SLAIN2: variants seen among roughly 807,000 people sequenced by gnomAD.
SLAIN2 encodes SLAIN motif-containing protein 2.
In SLAIN2, 31 loss-of-function variants were observed where a neutral mutation model predicts 56.6. The ratio of observed to expected loss-of-function variants is 0.55; its 90% CI spans 0.41 to 0.74. SLAIN2 has a LOEUF of 0.74. Ranked by LOEUF, SLAIN2 falls within the 30% of genes least tolerant of loss-of-function variation. The probability of loss-of-function intolerance (pLI) is 0.00; values close to 1 mark genes in which losing one functional copy is unlikely to be tolerated. For missense variants in SLAIN2, 777 were observed against 754.2 expected (o/e 1.03, Z -0.35); for synonymous variants, 317 against 284.9 (o/e 1.11, Z -1.13).
chr4:48,379,818 G>T lies in SLAIN2; in HGVS notation c.832G>T (p.Val278Leu). The T allele has an allele frequency of 6.4e-7, 1 of 1,571,868 alleles. No individual in the cohort carries two copies. The highest frequency in any genetic ancestry group is 1.2e-5 in the South Asian group (1 of 82,770). Reference sequence around the variant, plus strand: ...TTATAAGCTAAATGATGTAACTGATGTACAGATTCTAGCCCGGATGCAGGA... The same window carrying T: ...TTATAAGCTAAATGATGTAACTGATTTACAGATTCTAGCCCGGATGCAGGA... ...SNYKLNDVTD[V>L]QILARMQEES... The change falls in exon 4 of 8, where the codon GTA becomes TTA. Residue 278 changes from valine (V) to leucine (L), a missense_variant. Transcript: ENST00000264313.
chr4:48,408,714 T>G (rs996574501), intron 6 of SLAIN2, among the ~76,000 whole-genome samples: 1 of 152,102 alleles, frequency 6.6e-6, no homozygotes, highest in Non-Finnish European at 1.5e-5. Context: ...ACTAAAATAG[T>G]TAACAGTAAG....
chr4:48,350,593 A>G (rs180979055), intron 1 of SLAIN2, among the ~76,000 whole-genome samples: 77 of 152,286 alleles, frequency 5.1e-4, no homozygotes, highest in African/African-American at 1.8e-3. Context: ...GAATTTGTAA[A>G]ATAATGTAGG....
intron 1 of SLAIN2, among the ~76,000 whole-genome samples, chr4:48,351,955 G>A (rs1396875): frequency 0.016 from 2,389 of 152,274 alleles, 51 homozygotes; most frequent in African/African-American, 0.055. Flanking sequence ...AGGGAAAAGA[G>A]CGAGTGATAC....
intron 6 of SLAIN2, among the ~76,000 whole-genome samples, chr4:48,404,390 T>C (rs1427079966): frequency 1.3e-5 from 2 of 150,594 alleles, no homozygotes; most frequent in Non-Finnish European, 1.5e-5. Flanking sequence ...ATTGAATCTG[T>C]ATCAGAAACA....
intron 2 of SLAIN2, 117 bp downstream of exon 2, chr4:48,370,114 T>C (rs1715625266): frequency 3.0e-6 from 3 of 983,962 alleles, no homozygotes; most frequent in African/African-American, 1.6e-5. Flanking sequence ...CAAATCTCAT[T>C]GTTCATATCA....
chr4:48,365,502 C>T (rs1715491304), intron 1 of SLAIN2, among the ~76,000 whole-genome samples: 1 of 146,656 alleles, frequency 6.8e-6, no homozygotes, highest in African/African-American at 2.5e-5. Flanking sequence ...TTTTCTATTT[C>T]ACTGATTTCT....
rs150373167 is a variant in SLAIN2, at chr4:48,419,499, C to G, written c.1361-626C>G. 1.6e-3 allele frequency among the ~76,000 whole-genome samples: 250 copies of G among 152,296 alleles called. 2 individuals are homozygous for G. Among genetic ancestry groups the G allele is most frequent in the African/African-American group, 5.3e-3 (222 of 41,554 alleles). ...CACTGCAGCCTCTGCATCTCTGGTT[C>G]AGGCAGTTCTCCTGCTTCAGTTTTG... On this transcript the variant is annotated intron_variant, in intron 6 of 7. Transcript: ENST00000264313.
At chr4:48,409,515 G>A (rs535625752) in intron 6 of SLAIN2, among the ~76,000 whole-genome samples, 3 of 152,252 alleles carry the variant, frequency 2.0e-5, no homozygotes, top group Admixed American at 6.5e-5. Context: ...ATTCCATTGC[G>A]TGGATGCACC....
At chr4:48,365,532 C>T (rs541522967) in intron 1 of SLAIN2, among the ~76,000 whole-genome samples, 1 of 149,524 alleles carries the variant, frequency 6.7e-6, no homozygotes, top group Admixed American at 6.7e-5. Flanking sequence ...TTTATAATTT[C>T]CTTCTGGCTA....
Position 48,400,189 on chromosome 4 carries a change from T to C in SLAIN2, c.1360+16405T>C, listed in dbSNP as rs1463589122. On this transcript the variant is annotated intron_variant, in intron 6 of 7. Transcript: ENST00000264313. ...ACCTCCTCAATTTCAGAACTCATTA[T>C]TGGTTTATTCAGGGATTCAGTTTCT... is the stretch of plus-strand genomic sequence containing the variant. 3.9e-5 allele frequency among the ~76,000 whole-genome samples: 6 copies of C among 152,180 alleles called. No homozygotes were observed. In the East Asian group the frequency reaches 9.6e-4, roughly 24 times the overall value.
chr4:48,422,151 T>A lies in SLAIN2; in HGVS notation c.*74T>A. The A allele has an allele frequency of 8.9e-7, 1 of 1,118,678 alleles. No individual in the cohort carries two copies. The highest frequency in any genetic ancestry group is 1.3e-6 in the Non-Finnish European group (1 of 751,364). The allele number at this position is 1,118,678 out of a possible 1,614,324, so 69.3% of individuals were successfully genotyped here. On this transcript the variant is annotated 3_prime_UTR_variant, in exon 8 of 8. Transcript: ENST00000264313. ...ACCAGGCTAAAAAACAACTTTTATA[T>A]GCAGACTGTTCAGATAAGACTCTTG...
chr4:48,420,548 G>A (rs1717121526), intron 7 of SLAIN2, 105 bp downstream of exon 7: 14 of 1,297,094 alleles, frequency 1.1e-5, no homozygotes, highest in Non-Finnish European at 1.5e-5. Context: ...GAAAGTCATG[G>A]TGGATTCCCA....
At chr4:48,397,848 T>C (rs566024660) in intron 6 of SLAIN2, among the ~76,000 whole-genome samples, 4 of 152,340 alleles carry the variant, frequency 2.6e-5, no homozygotes, top group African/African-American at 4.8e-5. Context: ...TTCTTTCTTA[T>C]GGCTGCATAG....
intron 7 of SLAIN2, among the ~76,000 whole-genome samples, chr4:48,421,129 C>G (rs751553780): frequency 1.3e-5 from 2 of 152,116 alleles, no homozygotes; most frequent in Non-Finnish European, 2.9e-5. Context: ...AATCCTGTCA[C>G]CTCAGCACCC....
At chr4:48,344,413 C>T (rs1714807700) in intron 1 of SLAIN2, among the ~76,000 whole-genome samples, 1 of 152,052 alleles carries the variant, frequency 6.6e-6, no homozygotes, top group African/African-American at 2.4e-5. Flanking sequence ...GGAATGTTTC[C>T]TCCCGAGTGT....
chr4:48,410,100 C>G (rs767092345), intron 6 of SLAIN2, among the ~76,000 whole-genome samples: 2 of 152,144 alleles, frequency 1.3e-5, no homozygotes, highest in Non-Finnish European at 2.9e-5. Flanking sequence ...TTCTCCATCT[C>G]CTCAGTAACA....
intron 6 of SLAIN2, among the ~76,000 whole-genome samples, chr4:48,413,525 A>G (rs1209858516): frequency 7.2e-5 from 11 of 152,186 alleles, no homozygotes; most frequent in Non-Finnish European, 1.6e-4. Flanking sequence ...CTTATTTTTA[A>G]ATACTTGTGT....
intron 1 of SLAIN2, among the ~76,000 whole-genome samples, chr4:48,344,943 A>G (rs1714823452): frequency 6.6e-6 from 1 of 152,226 alleles, no homozygotes; most frequent in South Asian, 2.1e-4. Context: ...TGTTTCTAGA[A>G]TAACTCAGAA....
At chr4:48,377,366 A>T (rs1271048567) in intron 2 of SLAIN2, among the ~76,000 whole-genome samples, 2 of 141,264 alleles carry the variant, frequency 1.4e-5, no homozygotes, top group Non-Finnish European at 3.0e-5. Context: ...TTAAGTAGAG[A>T]CAGGGTTTCA....
Sources: allele counts gnomAD v4.1 joint callset (sites outside exome capture counted in the v4.1 genomes callset), GRCh38; gene constraint gnomAD v4.1.1; transcripts MANE v1.5; gene names NCBI Gene and HGNC (gene_info 2026-07-23, HGNC 2026-07-21).